VEGFB: variants seen among roughly 807,000 people sequenced by gnomAD.
The protein encoded by VEGFB is vascular endothelial growth factor B.
A neutral mutation model predicts 22.5 loss-of-function variants in VEGFB; 24 were observed. The ratio of observed to expected loss-of-function variants is 1.07; its 90% CI spans 0.77 to 1.50. VEGFB has a LOEUF of 1.50. Ranked by LOEUF, VEGFB falls within the 40% of genes most tolerant of loss-of-function variation. VEGFB has a pLI of 0.00. For missense variants in VEGFB, 327 were observed against 287.8 expected (o/e 1.14, Z -0.99); for synonymous variants, 141 against 117.4 (o/e 1.20, Z -1.30).
At chr11:64,236,916 T>TAA (rs540558462) in intron 4 of VEGFB, among the ~76,000 whole-genome samples, 3 of 140,012 alleles carry the variant, frequency 2.1e-5, no homozygotes, top group African/African-American at 7.8e-5. Flanking sequence ...CCATCTCTAC[T>TAA]AAAAAAAAAT....
Position 64,237,471 on chromosome 11 carries a change from C to G in VEGFB, c.462C>G (p.Asp154Glu), listed in dbSNP as rs1298025696. ...RPQPRSVPGW[D>E]SAPGAPSPAD... ...AGCCCCGTTCTGTTCCGGGCTGGGACTCTGCCCCCGGAGCACCCTCCCCAG... is the reference window on the plus strand; with the variant it reads ...AGCCCCGTTCTGTTCCGGGCTGGGAGTCTGCCCCCGGAGCACCCTCCCCAG... The change falls in exon 6 of 7, where the codon GAC (aspartate) becomes GAG (glutamate). Residue 154 changes from aspartate (D) to glutamate (E), a missense_variant. Asp to Glu is a conservative substitution (Grantham distance 45). Transcript: ENST00000309422. 3 of 1,612,226 alleles carry G rather than the reference C, an allele frequency of 1.9e-6. No homozygotes were observed. The African/African-American group carries it at 4.0e-5, about 21-fold the overall frequency.
In VEGFB at chr11:64,234,929, C is replaced by G; in HGVS notation, c.60+36C>G. On this transcript the variant is annotated intron_variant, in intron 1 of 6. Coordinates refer to ENST00000309422, the MANE Select transcript of VEGFB (RefSeq NM_003377.5). This position sits in a 1 kb window ranked among gnomAD's most constrained non-coding sequence, Gnocchi z 5.3. ...CCCGACAGCGCGCCCGCCCGCCCGC[C>G]GTGCCCTCTCTCAAGGTTGGCGGAA... The G allele has an allele frequency of 7.8e-7, 1 of 1,274,264 alleles. No individual in the cohort carries two copies. The highest frequency in any genetic ancestry group is 9.9e-7 in the Non-Finnish European group (1 of 1,009,412). The allele number at this position is 1,274,264 out of a possible 1,614,324, so 78.9% of individuals were successfully genotyped here. A position where few individuals can be genotyped will look rare whatever the true frequency, so the allele number is the denominator to read the frequency against.
Position 64,235,599 on chromosome 11 carries a change from T to G in VEGFB, c.103+99T>G, listed in dbSNP as rs573432742. The G allele has an allele frequency of 6.6e-6, 9 of 1,369,850 alleles. No homozygotes were observed. The Admixed American group carries it at 1.1e-4, about 16-fold the overall frequency. 84.9% of individuals were successfully genotyped at this position (1,369,850 alleles called of 1,614,324 possible). ...CATCTTGTGTAACTCCCCTAGAAGA[T>G]TCAAACTATTATTCTACCCATTTCA... is the stretch of plus-strand genomic sequence containing the variant. On this transcript the variant is annotated intron_variant, in intron 2 of 6. Transcript: ENST00000309422.
Position 64,234,605 on chromosome 11 carries a change from C to T in VEGFB, c.-229C>T, listed in dbSNP as rs1400431767. The T allele has an allele frequency of 1.4e-5, 2 of 145,602 alleles. No homozygotes were observed. The highest frequency in any genetic ancestry group is 1.4e-4 in the Admixed American group (2 of 14,642). 9.0% of individuals were successfully genotyped at this position (145,602 alleles called of 1,614,324 possible). ...CCCCGCCGTCCCCGCCGCCGCTGCC[C>T]GCCGCCACCGGCCGCCCGCCCGCCC... On this transcript the variant is annotated 5_prime_UTR_variant, in exon 1 of 7. Coordinates refer to ENST00000309422, the MANE Select transcript of VEGFB (RefSeq NM_003377.5). The surrounding 1 kb of genome is among the most constrained non-coding windows in gnomAD (Gnocchi z 5.3).
intron 6 of VEGFB, 126 bp downstream of exon 6, chr11:64,237,781 A>C (rs1156596132): frequency 1.1e-6 from 1 of 889,746 alleles, no homozygotes; most frequent in Non-Finnish European, 1.6e-6. Context: ...GTGTTGAACA[A>C]ATATTTACCA....
chr11:64,236,664 C>T (rs1000078381), intron 4 of VEGFB, among the ~76,000 whole-genome samples: 5 of 140,704 alleles, frequency 3.6e-5, no homozygotes, highest in African/African-American at 1.1e-4. Context: ...TTGCAGTGAG[C>T]CAAGATCGTG....
chr11:64,238,285 G>A (rs1028943416), intron 6 of VEGFB, 71 bp from the exon 7 acceptor site: 71 of 1,523,866 alleles, frequency 4.7e-5, no homozygotes, highest in Non-Finnish European at 4.0e-5. Flanking sequence ...TAGTGGGCCC[G>A]AGGCACACAT....
chr11:64,236,346 T>C lies in VEGFB; in HGVS notation c.374+19T>C, dbSNP rs1190678344. ...AATGCAGGTGCCAGCCAGGCCCAAC[T>C]TCTGAGCTCGCAGAGGCCAGGCTTG... On this transcript the variant is annotated intron_variant, in intron 4 of 6. Transcript: ENST00000309422. 6.2e-7 allele frequency: 1 copy of C among 1,612,734 alleles called. No homozygotes were observed. The highest frequency in any genetic ancestry group is 1.3e-5 in the African/African-American group (1 of 74,874).
At chr11:64,236,498 G>A (rs1445707429) in intron 4 of VEGFB, among the ~76,000 whole-genome samples, 171 bp downstream of exon 4, 1 of 149,480 alleles carries the variant, frequency 6.7e-6, no homozygotes, top group Non-Finnish European at 1.5e-5. Context: ...GGCGGATCAT[G>A]AGGTCAGGAG....
chr11:64,237,542 C>G lies in VEGFB; in HGVS notation c.533C>G (p.Ala178Gly). ...CCAGCCCCAGGCCCCTCTGCCCACG[C>G]TGCACCCAGCACCACCAGCGCCCTG... is the stretch of plus-strand genomic sequence containing the variant. ...PTPAPGPSAH[A>G]APSTTSALTP... is the part of the protein sequence containing the mutation. The change falls in exon 6 of 7, where the codon GCT becomes GGT. Residue 178 changes from alanine to glycine, a missense_variant. Ala to Gly is a moderately conservative substitution (Grantham distance 60). Coordinates refer to ENST00000309422, the MANE Select transcript of VEGFB (RefSeq NM_003377.5). 3.7e-6 allele frequency: 6 copies of G among 1,608,672 alleles called. No homozygotes were observed. Among genetic ancestry groups the G allele is most frequent in the Non-Finnish European group, 5.1e-6 (6 of 1,179,394 alleles).
rs573740495 is a variant in VEGFB at position 64,236,416 on chromosome 11, C to G, written c.374+89C>G. ...GTCCACAGAACTGGGGACCAGGTTC[C>G]TAAGAGTAGAACCAAGGGGCCGGGC... On this transcript the variant is annotated intron_variant, in intron 4 of 6. Transcript: ENST00000309422. 27 of 1,363,058 alleles carry G rather than the reference C, an allele frequency of 2.0e-5. No individual in the cohort carries two copies. The African/African-American group carries it at 3.4e-4, about 17-fold the overall frequency. The allele number at this position is 1,363,058 out of a possible 1,614,324, so 84.4% of individuals were successfully genotyped here.
chr11:64,238,709 A>T lies in VEGFB; in HGVS notation c.*376A>T. 5.0e-6 allele frequency: 2 copies of T among 402,268 alleles called. No homozygotes were observed. The highest frequency in any genetic ancestry group is 5.4e-5 in the South Asian group (2 of 36,816). The allele number at this position is 402,268 out of a possible 1,614,324, so 24.9% of individuals were successfully genotyped here. A position where few individuals can be genotyped will look rare whatever the true frequency, so the allele number is the denominator to read the frequency against. ...GGCTCTTCCTCCCCTCACTAAGAAG[A>T]CCCAAACCTCTGCATAATGGGATTT... On this transcript the variant is annotated 3_prime_UTR_variant, in exon 7 of 7. Transcript: ENST00000309422.
rs946133020 is a variant in VEGFB at position 64,239,158 on chromosome 11, C to A, written c.*825C>A. Among the ~76,000 whole-genome samples the A allele has an allele frequency of 6.6e-6, 1 of 152,202 alleles. No individual in the cohort carries two copies. Among genetic ancestry groups the A allele is most frequent in the Non-Finnish European group, 1.5e-5 (1 of 68,044 alleles). ...CTCTGAGCAGCAGTTTCCACATGTG[C>A]ACATAGAGGGAACAGAAGATTGCTG... On this transcript the variant is annotated 3_prime_UTR_variant, in exon 7 of 7. Coordinates refer to ENST00000309422, the MANE Select transcript of VEGFB (RefSeq NM_003377.5).
In VEGFB at chr11:64,236,212, C is replaced by G. The variant is rs1246871709; in HGVS notation, c.301-42C>G. The G allele has an allele frequency of 3.1e-6, 5 of 1,606,716 alleles. No individual in the cohort carries two copies. The East Asian group carries it at 6.7e-5, about 22-fold the overall frequency. ...TTCAGTCTTAGAGCATCCCCTTTCTCTCTCTCCCTCACTGTCCCCCCTGTT... is the reference window on the plus strand; with the variant it reads ...TTCAGTCTTAGAGCATCCCCTTTCTGTCTCTCCCTCACTGTCCCCCCTGTT... On this transcript the variant is annotated intron_variant, in intron 3 of 6. Transcript: ENST00000309422.
rs1947229309 is a variant in VEGFB, at chr11:64,234,843, C to G, written c.10C>G (p.Leu4Val). The G allele has an allele frequency of 1.6e-6, 2 of 1,266,630 alleles. No individual in the cohort carries two copies. The highest frequency in any genetic ancestry group is 7.1e-5 in the Admixed American group (2 of 28,070). The allele number at this position is 1,266,630 out of a possible 1,614,324, so 78.5% of individuals were successfully genotyped here. ...GGCCCCGGCGGGCACCATGAGCCCTCTGCTCCGCCGCCTGCTGCTCGCCGC... is the reference window on the plus strand; with the variant it reads ...GGCCCCGGCGGGCACCATGAGCCCTGTGCTCCGCCGCCTGCTGCTCGCCGC... MSP[L>V]LRRLLLAALL... Residue 4 changes from leucine to valine, a missense_variant, in exon 1 of 7, where the codon CTG becomes GTG. Coordinates refer to ENST00000309422, the MANE Select transcript of VEGFB (RefSeq NM_003377.5). This position sits in a 1 kb window ranked among gnomAD's most constrained non-coding sequence, Gnocchi z 5.3.
In VEGFB at chr11:64,237,590, C is replaced by CTGCCGACGCCGCAGCTTCCTCCGT. The variant is rs2030204317; in HGVS notation, c.586_609dup (p.Asp196_Ala203dup). The CTGCCGACGCCGCAGCTTCCTCCGT allele has an allele frequency of 6.3e-7, 1 of 1,593,644 alleles. No homozygotes were observed. The highest frequency in any genetic ancestry group is 1.3e-5 in the African/African-American group (1 of 74,692). ...CTGACCCCCGGACCTGCCGCTGCCG[C>CTGCCGACGCCGCAGCTTCCTCCGT]TGCCGACGCCGCAGCTTCCTCCGTT... is the stretch of plus-strand genomic sequence containing the variant. On this transcript the variant is annotated inframe_insertion, in exon 6 of 7. Coordinates refer to ENST00000309422, the MANE Select transcript of VEGFB (RefSeq NM_003377.5).
In VEGFB at chr11:64,237,627, G is replaced by T; in HGVS notation, c.618G>T (p.Gly206=). The T allele has an allele frequency of 6.4e-7, 1 of 1,559,024 alleles. No homozygotes were observed. Residue 206 remains glycine, a synonymous_variant, in exon 6 of 7, where the codon GGG becomes GGT. Coordinates refer to ENST00000309422, the MANE Select transcript of VEGFB (RefSeq NM_003377.5). The part of the protein sequence containing the change: ...DAAASSVAKG[G]A ...CAGCTTCCTCCGTTGCCAAGGGCGG[G>T]GCTTAGAGCTCAACCCAGACACCTG...
chr11:64,236,352 G>A, intron 4 of VEGFB, 25 bp downstream of exon 4: 1 of 1,611,058 alleles, frequency 6.2e-7, no homozygotes, highest in African/African-American at 1.3e-5. Flanking sequence ...CAACTTCTGA[G>A]CTCGCAGAGG....
rs1157842653 is a variant in VEGFB, at chr11:64,239,191, C to T, written c.*858C>T. 2.0e-5 allele frequency among the ~76,000 whole-genome samples: 3 copies of T among 152,128 alleles called. No individual in the cohort carries two copies. Among genetic ancestry groups the T allele is most frequent in the Admixed American group, 6.6e-5 (1 of 15,266 alleles). ...GGGAACAGAAGATTGCTGTGGTTGG[C>T]GTCCTCGGGCCCCAGAGAAGTTTGA... On this transcript the variant is annotated 3_prime_UTR_variant, in exon 7 of 7. Transcript: ENST00000309422.
Sources: gnomAD v4.1 joint callset for allele counts (sites outside exome capture counted in the v4.1 genomes callset) on GRCh38, gnomAD v4.1.1 for gene constraint, Gnocchi (gnomAD v3.1) non-coding constraint, MANE v1.5 for transcripts, NCBI Gene and HGNC (gene_info 2026-07-23, HGNC 2026-07-21) for gene names.